EPC1: variants seen among roughly 807,000 people sequenced by gnomAD.
EPC1 encodes the protein enhancer of polycomb homolog 1.
Under a neutral mutation model 98.4 loss-of-function variants are expected in EPC1, and 12 were observed. The observed-to-expected ratio is 0.12, with a 90% CI of 0.08 to 0.20. EPC1 has a LOEUF of 0.20. Among genes scored for constraint, EPC1 ranks in the 10% least tolerant of loss-of-function variants. The probability of loss-of-function intolerance (pLI) is 1.00; values close to 1 mark genes in which losing one functional copy is unlikely to be tolerated. For missense variants in EPC1, 729 were observed against 990.5 expected (o/e 0.74, Z 3.54); for synonymous variants, 357 against 363.9 (o/e 0.98, Z 0.21).
chr10:32,282,504 GAAAGA>G (rs1265591801), intron 10 of EPC1: 5 of 152,170 alleles, frequency 3.3e-5, no homozygotes, highest in Non-Finnish European at 5.9e-5. Flanking sequence ...GGGTGACAGA[GAAAGA>G]TCCTGTCTTA....
intron 1 of EPC1, among the ~76,000 whole-genome samples, chr10:32,357,012 C>G (rs893345498): frequency 6.6e-6 from 1 of 151,944 alleles, no homozygotes; most frequent in Non-Finnish European, 1.5e-5. Context: ...TTTACCAAAG[C>G]CCCCAAAAAA....
chr10:32,292,879 A>C (rs1005039448), intron 4 of EPC1, 109 bp downstream of exon 4: 35 of 807,132 alleles, frequency 4.3e-5, no homozygotes, highest in Non-Finnish European at 5.6e-5. Flanking sequence ...TTTTTCTTAT[A>C]ATTGGAAAGT....
At chr10:32,311,759 C>T (rs188221499) in intron 1 of EPC1, among the ~76,000 whole-genome samples, 272 of 152,144 alleles carry the variant, frequency 1.8e-3, no homozygotes, top group Non-Finnish European at 3.1e-3. Context: ...CAATAAGTAA[C>T]AATAATAGAA....
At chr10:32,351,984 C>A, upstream of EPC1, among the ~76,000 whole-genome samples, 1 of 150,872 alleles carries the variant, frequency 6.6e-6, no homozygotes. Context: ...GATCCACCCA[C>A]CTCGTCCTCC....
At chr10:32,297,672 T>C (rs1358778692) in intron 2 of EPC1, among the ~76,000 whole-genome samples, 1 of 152,072 alleles carries the variant, frequency 6.6e-6, no homozygotes, top group Non-Finnish European at 1.5e-5. Context: ...CAGAGATGCA[T>C]ACAGGTAAAC....
chr10:32,369,954 T>G (rs1406106009), intron 1 of EPC1, among the ~76,000 whole-genome samples: 1 of 152,178 alleles, frequency 6.6e-6, no homozygotes, highest in Non-Finnish European at 1.5e-5. Context: ...CAGATATTAT[T>G]TAAAGGATCA....
intron 1 of EPC1, among the ~76,000 whole-genome samples, chr10:32,370,234 A>G (rs959241248): frequency 6.6e-6 from 1 of 152,108 alleles, no homozygotes; most frequent in Admixed American, 6.6e-5. Flanking sequence ...GCTTCACTCC[A>G]CAGAACTGGT....
intron 1 of EPC1, among the ~76,000 whole-genome samples, chr10:32,362,057 A>G (rs1242102588): frequency 1.3e-5 from 2 of 152,220 alleles, no homozygotes; most frequent in Non-Finnish European, 2.9e-5. Flanking sequence ...TTTAGCAGAT[A>G]CTTAAGAAAT....
At chr10:32,362,579 C>A (rs551542252) in intron 1 of EPC1, among the ~76,000 whole-genome samples, 1 of 152,172 alleles carries the variant, frequency 6.6e-6, no homozygotes, top group Non-Finnish European at 1.5e-5. Flanking sequence ...AGCATCGTGC[C>A]TCCCATAAAG....
intron 1 of EPC1, among the ~76,000 whole-genome samples, chr10:32,323,351 C>G (rs1001008349): frequency 6.6e-6 from 1 of 152,094 alleles, no homozygotes; most frequent in Non-Finnish European, 1.5e-5. Context: ...TCAAAACTTT[C>G]TTGTTCAAAT....
chr10:32,337,267 T>C (rs975304838), intron 1 of EPC1, among the ~76,000 whole-genome samples: 4 of 152,328 alleles, frequency 2.6e-5, no homozygotes, highest in African/African-American at 9.6e-5. Flanking sequence ...CTTGATACGC[T>C]GTGTATTGAG....
chr10:32,292,766 G>A, intron 4 of EPC1, 122 bp from the exon 5 acceptor site: 1 of 1,000,860 alleles, frequency 1.0e-6, no homozygotes, highest in Non-Finnish European at 1.4e-6. Context: ...ATAAAAGGGA[G>A]CACAGATCAC....
intron 1 of EPC1, among the ~76,000 whole-genome samples, chr10:32,337,004 T>C (rs914431190): frequency 6.6e-6 from 1 of 152,264 alleles, no homozygotes; most frequent in Non-Finnish European, 1.5e-5. Context: ...TTATGGGCCA[T>C]ATTTTCCAGC....
chr10:32,289,937 T>C (rs977149028), intron 6 of EPC1, among the ~76,000 whole-genome samples: 2 of 152,154 alleles, frequency 1.3e-5, no homozygotes. Flanking sequence ...AAAAATTTCA[T>C]ACAAAAAATG....
In EPC1 at chr10:32,284,790, C is replaced by A; in HGVS notation, c.1652G>T (p.Arg551Met). Reference sequence around the variant, plus strand: ...TGCTGTTCCTGTTCGGTTTATACTCCTATATAATTTTCTACAGGAGAGTTC... The same window carrying A: ...TGCTGTTCCTGTTCGGTTTATACTCATATATAATTTTCTACAGGAGAGTTC... Reference protein sequence around the residue: ...NDELSCRKLYRSINRTGTAQP... With the variant: ...NDELSCRKLYMSINRTGTAQP... Residue 551 changes from arginine to methionine, a missense_variant, in exon 10 of 14, where the codon AGG (arginine) becomes ATG (methionine). By Grantham distance (91) the Arg-to-Met change is moderately conservative. Transcript: ENST00000319778. The A allele has an allele frequency of 6.2e-7, 1 of 1,614,168 alleles. No individual in the cohort carries two copies. Among genetic ancestry groups the A allele is most frequent in the Non-Finnish European group, 8.5e-7 (1 of 1,180,026 alleles).
At chr10:32,374,449 T>C (rs1368373151) in intron 1 of EPC1, 1 of 152,150 alleles carries the variant, frequency 6.6e-6, no homozygotes, top group Non-Finnish European at 1.5e-5. Context: ...CCTCTCTTCA[T>C]CTCTTTTCTC....
intron 1 of EPC1, among the ~76,000 whole-genome samples, chr10:32,326,573 T>A (rs1837293185): frequency 1.3e-5 from 2 of 152,286 alleles, no homozygotes; most frequent in African/African-American, 4.8e-5. Flanking sequence ...GATAGGGTAC[T>A]ATTATAACAA....
Position 32,292,737 on chromosome 10 carries a change from A to C in EPC1, c.667-93T>G, listed in dbSNP as rs543698602. ...ATAAAATTTATATATTTGAAGGGTT[A>C]AATTAGAATTTAAAGACAATAAAAG... On this transcript the variant is annotated intron_variant, in intron 4 of 13. Coordinates refer to ENST00000319778, the MANE Select transcript of EPC1 (RefSeq NM_001272004.3). 16 of 1,273,796 alleles carry C rather than the reference A, an allele frequency of 1.3e-5. No individual in the cohort carries two copies. The South Asian group carries it at 2.3e-4, about 18-fold the overall frequency. 78.9% of individuals were successfully genotyped at this position (1,273,796 alleles called of 1,614,324 possible). A position where few individuals can be genotyped will look rare whatever the true frequency, so the allele number is the denominator to read the frequency against.
intron 1 of EPC1, among the ~76,000 whole-genome samples, chr10:32,318,037 C>T (rs1836658430): frequency 6.6e-6 from 1 of 152,162 alleles, no homozygotes; most frequent in Admixed American, 6.6e-5. Flanking sequence ...ATTTGTACCC[C>T]TAGCATCCGT....
Sources: allele counts gnomAD v4.1 joint callset (sites outside exome capture counted in the v4.1 genomes callset), GRCh38; gene constraint gnomAD v4.1.1; transcripts MANE v1.5; gene names NCBI Gene and HGNC (gene_info 2026-07-23, HGNC 2026-07-21).